The following SLC4A4 variants were observed in gnomAD, a reference collection of about 807,000 sequenced individuals.
The protein encoded by SLC4A4 is solute carrier family 4 member 4.
Under a neutral mutation model 111.5 loss-of-function variants are expected in SLC4A4, and 27 were observed. The observed-to-expected ratio is 0.24, with a 90% CI of 0.18 to 0.33. SLC4A4 has a LOEUF of 0.33. Among genes scored for constraint, SLC4A4 ranks in the 10% least tolerant of loss-of-function variants. The pLI is 1.00. For synonymous variants in SLC4A4, 443 were observed against 463.4 expected, an observed-to-expected ratio of 0.96 and a Z score of 0.57; for missense variants, 909 against 1,315.5, an observed-to-expected ratio of 0.69 and a Z score of 4.78.
chr4:71,258,738 G>A (rs1334782399), intron 3 of SLC4A4, among the ~76,000 whole-genome samples: 1 of 152,010 alleles, frequency 6.6e-6, no homozygotes, highest in Non-Finnish European at 1.5e-5. Context: ...TTCTCCCTTG[G>A]CACATAAAAT....
chr4:71,567,122 T>C, intron 25 of SLC4A4, 39 bp downstream of exon 25: 1 of 1,469,248 alleles, frequency 6.8e-7, no homozygotes, highest in Non-Finnish European at 9.5e-7. Context: ...TTCTGTGGGA[T>C]AATTGCCCCA....
chr4:71,487,012 T>C lies in SLC4A4; in HGVS notation c.1968T>C (p.Thr656=). The change falls in exon 15 of 26, where the codon ACT becomes ACC. Residue 656 remains threonine, a synonymous_variant. Coordinates refer to ENST00000264485, the MANE Select transcript of SLC4A4 (RefSeq NM_001098484.3). ...AGTATTTGCCAACTATGTCTTCTACTGACATGGTAAGTGACTTACTATTTT... is the reference window on the plus strand; with the variant it reads ...AGTATTTGCCAACTATGTCTTCTACCGACATGGTAAGTGACTTACTATTTT... ...APEYLPTMSS[T]DMYHNTTFDW... 1.9e-6 allele frequency: 3 copies of C among 1,582,926 alleles called. No homozygotes were observed. The highest frequency in any genetic ancestry group is 2.6e-6 in the Non-Finnish European group (3 of 1,153,332).
At chr4:71,185,097 C>T (rs1745408935), upstream of SLC4A4, among the ~76,000 whole-genome samples, 1 of 152,152 alleles carries the variant, frequency 6.6e-6, no homozygotes, top group South Asian at 2.1e-4. Context: ...TCAGGAGTTA[C>T]CTATTTAACT....
At chr4:71,396,045 G>T (rs1719797416) in intron 6 of SLC4A4, among the ~76,000 whole-genome samples, 1 of 152,126 alleles carries the variant, frequency 6.6e-6, no homozygotes, top group Non-Finnish European at 1.5e-5. Context: ...TTATTTGGGG[G>T]CATTCAGATT....
At chr4:71,412,042 G>A (rs1170931608) in intron 7 of SLC4A4, among the ~76,000 whole-genome samples, 1 of 152,094 alleles carries the variant, frequency 6.6e-6, no homozygotes, top group Non-Finnish European at 1.5e-5. Context: ...GACATAATAC[G>A]TTATTATCAG....
intron 3 of SLC4A4, among the ~76,000 whole-genome samples, chr4:71,287,912 A>AG (rs1374029224): frequency 6.6e-6 from 1 of 152,086 alleles, no homozygotes; most frequent in African/African-American, 2.4e-5. Flanking sequence ...TTTAATCCCA[A>AG]GTTAAGCTTT....
intron 3 of SLC4A4, among the ~76,000 whole-genome samples, chr4:71,294,023 C>A (rs2148829608): frequency 6.6e-6 from 1 of 152,304 alleles, no homozygotes; most frequent in South Asian, 2.1e-4. Flanking sequence ...TGAAGGTCTT[C>A]AGTTCCCTAA....
intron 2 of SLC4A4, among the ~76,000 whole-genome samples, chr4:71,116,786 A>G (rs561153257): frequency 1.3e-5 from 2 of 152,172 alleles, no homozygotes; most frequent in African/African-American, 4.8e-5. Context: ...TCTACAAAAA[A>G]TACAAAATTA....
rs563903145 is a variant in SLC4A4 at position 71,238,060 on chromosome 4, G to T, written c.73+1411G>T. On this transcript the variant is annotated intron_variant, in intron 2 of 25. Coordinates refer to ENST00000264485, the MANE Select transcript of SLC4A4 (RefSeq NM_001098484.3). ...GTGTCAAAGAGGAGATACCAGCAAA[G>T]AGGAGATACAAGCAAAGAGGAGTTA... Among the ~76,000 whole-genome samples, 480 of 152,268 alleles carry T rather than the reference G, an allele frequency of 3.2e-3. 2 individuals carry two copies. The highest frequency in any genetic ancestry group is 4.1e-3 in the Non-Finnish European group (281 of 68,016).
intron 7 of SLC4A4, among the ~76,000 whole-genome samples, chr4:71,430,156 G>A (rs1183597809): frequency 2.0e-5 from 3 of 152,090 alleles, no homozygotes; most frequent in African/African-American, 7.2e-5. Flanking sequence ...TGATTGGTGT[G>A]TCTTGTGACC....
At chr4:71,567,354 C>T (rs1737578984) in intron 25 of SLC4A4, among the ~76,000 whole-genome samples, 1 of 151,620 alleles carries the variant, frequency 6.6e-6, no homozygotes, top group African/African-American at 2.4e-5. Flanking sequence ...AGTATCGTCC[C>T]TGATTTAAAG....
chr4:71,291,384 T>C (rs1015776858), intron 3 of SLC4A4, among the ~76,000 whole-genome samples: 24 of 152,210 alleles, frequency 1.6e-4, no homozygotes, highest in African/African-American at 5.5e-4. Flanking sequence ...ATAATAGTGA[T>C]AAGATATTCA....
chr4:71,439,514 G>A (rs180881036), intron 7 of SLC4A4, among the ~76,000 whole-genome samples: 20 of 137,008 alleles, frequency 1.5e-4, no homozygotes, highest in Admixed American at 2.4e-4. Flanking sequence ...AAATTTATTC[G>A]TCCATTCTTA....
intron 6 of SLC4A4, among the ~76,000 whole-genome samples, chr4:71,390,548 A>G (rs2148966467): frequency 6.6e-6 from 1 of 152,154 alleles, no homozygotes; most frequent in Admixed American, 6.5e-5. Flanking sequence ...TAAGTTCAAT[A>G]TTTCCCCCCT....
intron 3 of SLC4A4, among the ~76,000 whole-genome samples, chr4:71,292,905 G>A (rs1268946517): frequency 2.8e-5 from 4 of 144,198 alleles, no homozygotes; most frequent in South Asian, 2.2e-4. Flanking sequence ...GCAGTGGTGC[G>A]ATTTCGGCTC....
chr4:71,458,431 A>C (rs1726496676), intron 12 of SLC4A4, among the ~76,000 whole-genome samples: 1 of 152,118 alleles, frequency 6.6e-6, no homozygotes, highest in South Asian at 2.1e-4. Context: ...AGCACAGTCT[A>C]GAGTGAAGAC....
intron 3 of SLC4A4, among the ~76,000 whole-genome samples, chr4:71,279,969 T>C (rs1274810400): frequency 6.6e-6 from 1 of 152,142 alleles, no homozygotes; most frequent in Non-Finnish European, 1.5e-5. Flanking sequence ...CTAATTTTTG[T>C]ATTTTTGTAG....
intron 3 of SLC4A4, among the ~76,000 whole-genome samples, chr4:71,283,180 A>C (rs1476539400): frequency 2.0e-5 from 3 of 152,176 alleles, no homozygotes; most frequent in African/African-American, 7.2e-5. Flanking sequence ...ATATTTTGGA[A>C]CATCATTGAA....
At chr4:71,262,651 G>A (rs756702974) in intron 3 of SLC4A4, among the ~76,000 whole-genome samples, 22 of 152,050 alleles carry the variant, frequency 1.4e-4, no homozygotes, top group Non-Finnish European at 2.2e-4. Context: ...GAATTTCAGC[G>A]TTAAGTTCAT....
Sources: allele counts gnomAD v4.1 joint callset (sites outside exome capture counted in the v4.1 genomes callset), GRCh38; gene constraint gnomAD v4.1.1; transcripts MANE v1.5; gene names NCBI Gene and HGNC (gene_info 2026-07-23, HGNC 2026-07-21).